Variants in ANO3 observed in about 807,000 individuals in gnomAD.
ANO3 encodes the protein anoctamin-3.
ANO3 carries 99 observed loss-of-function variants against 144.8 expected under a neutral mutation model. The ratio of observed to expected loss-of-function variants is 0.68; its 90% confidence interval spans 0.58 to 0.81. ANO3 has a LOEUF of 0.81. ANO3 is among the 30% of genes least tolerant of loss of function. The pLI is 0.00. For synonymous variants in ANO3, 414 were observed against 392.6 expected (o/e 1.05, Z -0.64); for missense variants, 905 against 1,202.2 (o/e 0.75, Z 3.66).
chr11:26,585,145 A>G (rs2132870778), intron 14 of ANO3, among the ~76,000 whole-genome samples: 1 of 152,278 alleles, frequency 6.6e-6, no homozygotes, highest in African/African-American at 2.4e-5. Flanking sequence ...GAGCTGATAA[A>G]CTTTCCAGAG....
At chr11:26,265,825 G>A (rs1368437603) in intron 1 of ANO3, among the ~76,000 whole-genome samples, 1 of 152,126 alleles carries the variant, frequency 6.6e-6, no homozygotes, top group Non-Finnish European at 1.5e-5. Flanking sequence ...CTTTTAACCT[G>A]AGCAAAATGC....
chr11:26,343,478 T>C (rs1855416881), intron 1 of ANO3, among the ~76,000 whole-genome samples: 2 of 152,238 alleles, frequency 1.3e-5, no homozygotes, highest in Admixed American at 1.3e-4. Flanking sequence ...AATGCTTTTA[T>C]AATGGCTGTG....
intron 17 of ANO3, among the ~76,000 whole-genome samples, chr11:26,615,414 A>ATATATATATATATATATATATTTT (rs1352935016): frequency 3.1e-5 from 4 of 130,696 alleles, no homozygotes; most frequent in African/African-American, 1.2e-4. Flanking sequence ...ATATATATAT[A>ATATATATATATATATATATATTTT]TTTTTTTTTT....
At chr11:26,471,869 A>G (rs1859795569) in intron 4 of ANO3, among the ~76,000 whole-genome samples, 1 of 152,006 alleles carries the variant, frequency 6.6e-6, no homozygotes, top group African/African-American at 2.4e-5. Flanking sequence ...CTAATGTCTC[A>G]GTAATTAAAC....
rs1375292592 is a variant in ANO3, at chr11:26,660,476, A to G, written c.*32A>G. The G allele has an allele frequency of 5.2e-6, 8 of 1,548,432 alleles. No homozygotes were observed. In the East Asian group the frequency reaches 1.8e-4, roughly 36 times the overall value. On this transcript the variant is annotated 3_prime_UTR_variant, in exon 27 of 27. Coordinates refer to ENST00000256737, the MANE Select transcript of ANO3 (RefSeq NM_031418.4). ...CCTGTTACCCATTAGGGGTGATAAC[A>G]TTAATGGGAAGAAATGATGGCAACT... is the stretch of plus-strand genomic sequence containing the variant.
At chr11:26,490,467 A>G (rs893012660) in intron 4 of ANO3, among the ~76,000 whole-genome samples, 3 of 152,252 alleles carry the variant, frequency 2.0e-5, no homozygotes, top group Non-Finnish European at 4.4e-5. Flanking sequence ...AACAAAATAC[A>G]GAGTTATAGC....
At chr11:26,220,283 G>A (rs1852116054) in intron 1 of ANO3, among the ~76,000 whole-genome samples, 1 of 152,206 alleles carries the variant, frequency 6.6e-6, no homozygotes, top group African/African-American at 2.4e-5. Flanking sequence ...CATGGCACTA[G>A]ACCCATGAAG....
chr11:26,309,119 TTGTC>T (rs1854450466), upstream of ANO3, among the ~76,000 whole-genome samples: 1 of 152,180 alleles, frequency 6.6e-6, no homozygotes, highest in Non-Finnish European at 1.5e-5. Context: ...ACTTAAAAAG[TTGTC>T]TTTCTAAGAG....
At chr11:26,545,910 T>C (rs1464364754) in intron 11 of ANO3, among the ~76,000 whole-genome samples, 1 of 151,184 alleles carries the variant, frequency 6.6e-6, no homozygotes, top group African/African-American at 2.4e-5. Flanking sequence ...CTCCTTCTTC[T>C]CCTGACACAG....
At chr11:26,349,609 C>T (rs1399508722) in intron 1 of ANO3, among the ~76,000 whole-genome samples, 2 of 152,060 alleles carry the variant, frequency 1.3e-5, no homozygotes, top group Admixed American at 6.5e-5. Context: ...AGTGCAGTGG[C>T]GCGATCTCAG....
chr11:26,591,130 G>A (rs1851438168), intron 14 of ANO3, among the ~76,000 whole-genome samples: 1 of 152,128 alleles, frequency 6.6e-6, no homozygotes, highest in Non-Finnish European at 1.5e-5. Context: ...GTGTTTAAAG[G>A]TAGGTGCGGT....
chr11:26,534,813 T>G (rs1849463427), intron 9 of ANO3, among the ~76,000 whole-genome samples: 1 of 152,192 alleles, frequency 6.6e-6, no homozygotes, highest in Admixed American at 6.5e-5. Flanking sequence ...TATTATTTCT[T>G]GAAATTTATC....
At chr11:26,646,164 T>C (rs182561521) in intron 23 of ANO3, among the ~76,000 whole-genome samples, 95 of 152,302 alleles carry the variant, frequency 6.2e-4, no homozygotes, top group African/African-American at 2.2e-3. Context: ...TGTACACATA[T>C]GTAGAATTCT....
At chr11:26,242,661 T>C (rs942305278) in intron 1 of ANO3, among the ~76,000 whole-genome samples, 3 of 152,218 alleles carry the variant, frequency 2.0e-5, no homozygotes, top group African/African-American at 7.2e-5. Flanking sequence ...GGCTTCATAG[T>C]CGAACACAGT....
intron 5 of ANO3, among the ~76,000 whole-genome samples, chr11:26,511,356 C>G (rs1861656786): frequency 1.3e-5 from 2 of 152,180 alleles, no homozygotes; most frequent in East Asian, 1.9e-4. Context: ...AAATTTTACC[C>G]AAACCTCTGT....
At chr11:26,249,905 T>A (rs920190954) in intron 1 of ANO3, among the ~76,000 whole-genome samples, 2 of 152,186 alleles carry the variant, frequency 1.3e-5, no homozygotes, top group Non-Finnish European at 2.9e-5. Flanking sequence ...CGCAGGGATC[T>A]AGATTTAAAG....
chr11:26,383,265 CTT>C (rs149011169), intron 1 of ANO3, among the ~76,000 whole-genome samples: 1 of 151,034 alleles, frequency 6.6e-6, no homozygotes, highest in South Asian at 2.1e-4. Flanking sequence ...CTGGCCAAAC[CTT>C]TTTTTTTAAA....
intron 14 of ANO3, among the ~76,000 whole-genome samples, chr11:26,574,481 C>G (rs1850936369): frequency 6.6e-6 from 1 of 152,092 alleles, no homozygotes; most frequent in Non-Finnish European, 1.5e-5. Context: ...ATACAGGCTA[C>G]AAGTGGAATT....
intron 1 of ANO3, 27 bp downstream of exon 1, chr11:26,332,348 C>A (rs770775227): frequency 1.6e-5 from 25 of 1,612,426 alleles, no homozygotes; most frequent in Non-Finnish European, 2.0e-5. Flanking sequence ...CTCCCCTCTC[C>A]CTGCGGGCGT....
Sources: allele counts gnomAD v4.1 joint callset (sites outside exome capture counted in the v4.1 genomes callset), GRCh38; gene constraint gnomAD v4.1.1; transcripts MANE v1.5; gene names NCBI Gene and HGNC (gene_info 2026-07-23, HGNC 2026-07-21).